ZEB1: variants seen among roughly 807,000 people sequenced by gnomAD.
ZEB1 encodes the protein zinc finger E-box-binding homeobox 1.
Under a neutral mutation model 84.9 loss-of-function variants are expected in ZEB1, and 21 were observed. That is an observed-to-expected ratio of 0.25 (90% CI 0.18 to 0.36). The LOEUF (loss-of-function observed/expected upper bound fraction) is 0.36, where lower values mean the gene tolerates loss of function less well. ZEB1 is among the 10% of genes least tolerant of loss of function. The pLI, the probability that ZEB1 is intolerant of heterozygous loss-of-function variation, is 1.00. For synonymous variants in ZEB1, 420 were observed against 471.1 expected, an observed-to-expected ratio of 0.89 and a Z score of 1.41; for missense variants, 1,104 against 1,330.2, an observed-to-expected ratio of 0.83 and a Z score of 2.65.
chr10:31,476,807 G>C lies in ZEB1; in HGVS notation c.259+15570G>C, dbSNP rs184773543. 6.6e-5 allele frequency among the ~76,000 whole-genome samples: 10 copies of C among 152,044 alleles called. No individual in the cohort carries two copies. In the East Asian group the frequency reaches 1.9e-3, roughly 29 times the overall value. On this transcript the variant is annotated intron_variant, in intron 2 of 8. Coordinates refer to ENST00000424869, the MANE Select transcript of ZEB1 (RefSeq NM_001174096.2). ...TATATGCAGAATTAAAAAGAAAAAC[G>C]ATATGATCATGTCAATCAATAGATG... is the stretch of plus-strand genomic sequence containing the variant.
At chr10:31,337,771 C>T (rs950454780) in intron 1 of ZEB1, among the ~76,000 whole-genome samples, 2 of 150,034 alleles carry the variant, frequency 1.3e-5, no homozygotes, top group Non-Finnish European at 3.0e-5. Context: ...CTGCTGCCTC[C>T]GTCTCCCCGG....
intron 2 of ZEB1, among the ~76,000 whole-genome samples, chr10:31,478,112 G>A (rs1023106099): frequency 2.0e-4 from 31 of 152,020 alleles, no homozygotes; most frequent in African/African-American, 6.7e-4. Flanking sequence ...TCATACCTCC[G>A]ACAAAGAACT....
intron 1 of ZEB1, among the ~76,000 whole-genome samples, chr10:31,427,808 G>A (rs747714837): frequency 4.0e-5 from 6 of 151,206 alleles, no homozygotes; most frequent in African/African-American, 9.7e-5. Context: ...GCAGTGAGCC[G>A]AGATTGCGCC....
At chr10:31,319,323 G>T (rs774705209) in intron 1 of ZEB1, 31 bp downstream of exon 1, 83 of 1,595,804 alleles carry the variant, frequency 5.2e-5, no homozygotes, top group Middle Eastern at 1.8e-4. Context: ...GGGAGCGGCG[G>T]AGTCAGGGGG....
intron 1 of ZEB1, among the ~76,000 whole-genome samples, chr10:31,433,532 C>T (rs1203960793): frequency 2.0e-5 from 3 of 152,120 alleles, no homozygotes; most frequent in Non-Finnish European, 1.5e-5. Context: ...AATAGATGTA[C>T]CATGAAAAAA....
At chr10:31,375,587 A>G (rs1340934976) in intron 1 of ZEB1, among the ~76,000 whole-genome samples, 5 of 151,784 alleles carry the variant, frequency 3.3e-5, no homozygotes, top group South Asian at 4.1e-4. Flanking sequence ...AATTCTACCA[A>G]TAGTCATCAG....
intron 2 of ZEB1, among the ~76,000 whole-genome samples, chr10:31,476,828 A>G (rs971268697): frequency 6.6e-6 from 1 of 152,130 alleles, no homozygotes; most frequent in African/African-American, 2.4e-5. Context: ...GTCAATCAAT[A>G]GATGCAGAAG....
intron 2 of ZEB1, among the ~76,000 whole-genome samples, chr10:31,467,411 A>G (rs1327194478): frequency 6.6e-6 from 1 of 152,140 alleles, no homozygotes; most frequent in African/African-American, 2.4e-5. Flanking sequence ...ATGCATGTTC[A>G]CATGACCAAT....
At chr10:31,363,689 C>T (rs182449480) in intron 1 of ZEB1, 70 of 1,273,986 alleles carry the variant, frequency 5.5e-5, no homozygotes, top group Non-Finnish European at 6.6e-5. Flanking sequence ...GGGATCCTTA[C>T]GGGGCTGAGG....
intron 2 of ZEB1, among the ~76,000 whole-genome samples, chr10:31,472,371 G>C (rs555902525): frequency 3.9e-5 from 6 of 152,036 alleles, no homozygotes; most frequent in Admixed American, 2.6e-4. Flanking sequence ...AATGATAAAG[G>C]GGATATCACC....
Position 31,444,549 on chromosome 10 carries a change from C to G in ZEB1, c.59-16488C>G, listed in dbSNP as rs1386230896. Among the ~76,000 whole-genome samples the G allele has an allele frequency of 5.3e-5, 8 of 151,310 alleles. 1 individual carries two copies. The highest frequency in any genetic ancestry group is 3.4e-3 in the Middle Eastern group (1 of 292). On this transcript the variant is annotated intron_variant, in intron 1 of 8. Transcript: ENST00000424869. ...TTCTAGGGTTTTTATGGTTTTAGGT[C>G]TAAAGTTTAAATCTTTAATCCATCT...
intron 2 of ZEB1, among the ~76,000 whole-genome samples, chr10:31,492,157 A>C (rs953576518): frequency 3.9e-5 from 6 of 151,904 alleles, no homozygotes; most frequent in African/African-American, 1.4e-4. Context: ...CAGAGGGAGC[A>C]ACTTCAGGAA....
intron 2 of ZEB1, among the ~76,000 whole-genome samples, chr10:31,487,809 C>T (rs571605930): frequency 5.3e-5 from 8 of 151,190 alleles, no homozygotes; most frequent in African/African-American, 1.7e-4. Flanking sequence ...ATTCCTGGTT[C>T]GCTGCAAGTT....
At chr10:31,516,684 A>G (rs553072816) in intron 6 of ZEB1, among the ~76,000 whole-genome samples, 7 of 152,148 alleles carry the variant, frequency 4.6e-5, no homozygotes, top group African/African-American at 1.7e-4. Flanking sequence ...GAAGTTATAT[A>G]ATCCTCAGAA....
intron 1 of ZEB1, among the ~76,000 whole-genome samples, chr10:31,362,646 G>A (rs7068509): frequency 0.24 from 36,032 of 151,548 alleles, 5,603 homozygotes; most frequent in Non-Finnish European, 0.35. Flanking sequence ...CAGATGGTGC[G>A]GTGGCCGGGC....
chr10:31,324,369 T>C (rs1189629666), intron 1 of ZEB1, among the ~76,000 whole-genome samples: 1 of 152,056 alleles, frequency 6.6e-6, no homozygotes, highest in African/African-American at 2.4e-5. Context: ...TGATTTCTCA[T>C]AGTTGTGTTT....
intron 7 of ZEB1, 128 bp downstream of exon 7, chr10:31,522,064 G>A: frequency 1.4e-6 from 2 of 1,406,316 alleles, no homozygotes; most frequent in Non-Finnish European, 1.9e-6. Context: ...TTTTTAAAAG[G>A]ATCAATGTTT....
At chr10:31,447,182 C>T (rs1055773352) in intron 1 of ZEB1, among the ~76,000 whole-genome samples, 1 of 152,020 alleles carries the variant, frequency 6.6e-6, no homozygotes, top group African/African-American at 2.4e-5. Flanking sequence ...CCTTCTTTGT[C>T]TCTTTTGATC....
chr10:31,394,062 A>G (rs2050261331), intron 1 of ZEB1, among the ~76,000 whole-genome samples: 2 of 152,176 alleles, frequency 1.3e-5, no homozygotes, highest in South Asian at 4.1e-4. Context: ...ATGGTGGGAA[A>G]GTGGAAGTGA....
Sources: gnomAD v4.1 joint callset for allele counts (sites outside exome capture counted in the v4.1 genomes callset) on GRCh38, gnomAD v4.1.1 for gene constraint, MANE v1.5 for transcripts, NCBI Gene and HGNC (gene_info 2026-07-23, HGNC 2026-07-21) for gene names.